Variants in BLTP1 observed in about 807,000 individuals in gnomAD.
BLTP1 encodes the protein bridge-like lipid transfer protein family member 1.
At chr4:122,289,841 C>G in the BLTP1 span, 1 of 960,600 alleles carries the variant, frequency 1.0e-6, no homozygotes, top group Admixed American at 6.2e-5. Flanking sequence ...TATGAAGTAT[C>G]TAGGTATTCA....
chr4:122,213,967 T>C, the BLTP1 span, among the ~76,000 whole-genome samples: 4 of 152,172 alleles, frequency 2.6e-5, no homozygotes, highest in African/African-American at 9.6e-5. Flanking sequence ...AACATGTCAG[T>C]GGTAGCAAAT....
the BLTP1 span, chr4:122,286,897 T>G: frequency 2.3e-5 from 21 of 917,132 alleles, no homozygotes; most frequent in East Asian, 5.5e-4. Context: ...TAAAATAATT[T>G]GTTTTCACAG....
the BLTP1 span, chr4:122,249,298 T>A: frequency 1.5e-6 from 1 of 653,580 alleles, no homozygotes; most frequent in Non-Finnish European, 1.9e-6. Context: ...AATCATAAAA[T>A]CTTCTTTTCT....
the BLTP1 span, chr4:122,249,701 AT>A: frequency 6.2e-7 from 1 of 1,613,082 alleles, no homozygotes; most frequent in Non-Finnish European, 8.5e-7. Context: ...TTTTTATTGA[AT>A]TCTGCTTAAG....
At chr4:122,194,056 G>A in the BLTP1 span, among the ~76,000 whole-genome samples, 1 of 151,966 alleles carries the variant, frequency 6.6e-6, no homozygotes, top group African/African-American at 2.4e-5. Flanking sequence ...TAGAGACGGG[G>A]TTTCACCGTT....
At chr4:122,289,074 T>G in the BLTP1 span, 1 of 1,605,378 alleles carries the variant, frequency 6.2e-7, no homozygotes. Context: ...TCTAATATGA[T>G]TTTGTCTGGC....
the BLTP1 span, among the ~76,000 whole-genome samples, chr4:122,327,450 C>T: frequency 6.6e-6 from 1 of 151,190 alleles, no homozygotes; most frequent in Admixed American, 6.6e-5. Flanking sequence ...TTATTTTTCC[C>T]CCAATATTTT....
At chr4:122,237,520 T>C in the BLTP1 span, 1 of 453,316 alleles carries the variant, frequency 2.2e-6, no homozygotes, top group African/African-American at 2.1e-5. Flanking sequence ...ATGCTTAAAA[T>C]AAGTAAATCC....
At chr4:122,245,281 T>G in the BLTP1 span, 1 of 637,072 alleles carries the variant, frequency 1.6e-6, no homozygotes, top group Non-Finnish European at 2.7e-6. Flanking sequence ...TCATTGGCTC[T>G]GTAAAAGATA....
the BLTP1 span, chr4:122,255,047 C>T: frequency 6.7e-7 from 1 of 1,503,218 alleles, no homozygotes; most frequent in Non-Finnish European, 9.0e-7. Context: ...ATCAGATTTA[C>T]AAGTTCTTAA....
the BLTP1 span, chr4:122,331,496 A>C: frequency 6.2e-7 from 1 of 1,611,580 alleles, no homozygotes; most frequent in Non-Finnish European, 8.5e-7. Flanking sequence ...TGTGTACTCC[A>C]CCCAACCACC....
chr4:122,335,450 G>A, the BLTP1 span, among the ~76,000 whole-genome samples: 2 of 152,018 alleles, frequency 1.3e-5, no homozygotes, highest in African/African-American at 4.8e-5. Flanking sequence ...TCCAAAAAAA[G>A]GAATATCAGA....
the BLTP1 span, chr4:122,219,446 G>A: frequency 1.2e-6 from 2 of 1,614,104 alleles, no homozygotes; most frequent in Non-Finnish European, 1.7e-6. Context: ...ACTGCTGTTG[G>A]AATGGAAAAT....
At chr4:122,302,805 C>T in the BLTP1 span, among the ~76,000 whole-genome samples, 6 of 152,148 alleles carry the variant, frequency 3.9e-5, no homozygotes, top group Non-Finnish European at 1.5e-5. Context: ...GTGGATAGAC[C>T]AGCCACAACA....
At chr4:122,158,886 T>C in the BLTP1 span, among the ~76,000 whole-genome samples, 1 of 152,222 alleles carries the variant, frequency 6.6e-6, no homozygotes, top group African/African-American at 2.4e-5. Flanking sequence ...TTGGGTGATA[T>C]GACTTCTTAG....
the BLTP1 span, chr4:122,201,096 T>G: frequency 6.2e-7 from 1 of 1,613,222 alleles, no homozygotes; most frequent in Non-Finnish European, 8.5e-7. Context: ...CACTTACCAC[T>G]TCATCTTTGC....
At chr4:122,228,930 C>T in the BLTP1 span, 6 of 179,532 alleles carry the variant, frequency 3.3e-5, no homozygotes, top group Admixed American at 6.5e-5. Flanking sequence ...TGTTTTCTAA[C>T]GTATAGTTTT....
the BLTP1 span, among the ~76,000 whole-genome samples, chr4:122,242,117 C>T: frequency 6.6e-6 from 1 of 152,168 alleles, no homozygotes; most frequent in African/African-American, 2.4e-5. Context: ...AGCAATCCCA[C>T]TACTGGGTAA....
the BLTP1 span, chr4:122,172,948 T>C: frequency 3.8e-6 from 6 of 1,578,458 alleles, no homozygotes; most frequent in African/African-American, 1.4e-5. Flanking sequence ...CAACCTCTGG[T>C]TTTAAAATTC....
Sources: gnomAD v4.1 joint callset for allele counts (sites outside exome capture counted in the v4.1 genomes callset) on GRCh38, gnomAD v4.1.1 for gene constraint, MANE v1.5 for transcripts, NCBI Gene and HGNC (gene_info 2026-07-23, HGNC 2026-07-21) for gene names.